PPM1L: variants seen among roughly 807,000 people sequenced by gnomAD.
The protein encoded by PPM1L is protein phosphatase, Mg2+/Mn2+ dependent 1L.
A neutral mutation model predicts 31.4 loss-of-function variants in PPM1L; 13 were observed. The ratio of observed to expected loss-of-function variants is 0.41; its 90% CI spans 0.27 to 0.66. PPM1L has a LOEUF of 0.66. PPM1L is among the 30% of genes least tolerant of loss of function. The pLI is 0.29. For synonymous variants in PPM1L, 184 were observed against 175.4 expected, an observed-to-expected ratio of 1.05 and a Z score of -0.39; for missense variants, 326 against 453.7, an observed-to-expected ratio of 0.72 and a Z score of 2.56.
rs66734087 is a variant in PPM1L, at chr3:161,014,473, A to AT, written c.575-50910dup. On this transcript the variant is annotated intron_variant, in intron 2 of 3. Coordinates refer to ENST00000498165, the MANE Select transcript of PPM1L (RefSeq NM_139245.4). ...AAATATCCCTTTTTTTCAAGTCAGG[A>AT]TTTTTTTTTTTTTTTTTTTTAGATG... Among the ~76,000 whole-genome samples, 534 of 129,210 alleles carry AT rather than the reference A, an allele frequency of 4.1e-3. 8 individuals carry two copies. The highest frequency in any genetic ancestry group is 0.017 in the South Asian group (67 of 3,838). The allele number at this position is 129,210 out of a possible 152,430, so 84.8% of individuals were successfully genotyped here.
chr3:160,829,249 C>T (rs533548397), intron 1 of PPM1L, among the ~76,000 whole-genome samples: 1 of 150,940 alleles, frequency 6.6e-6, no homozygotes, highest in Non-Finnish European at 1.5e-5. Flanking sequence ...AAAAAAAAAA[C>T]CTAGCCTTTT....
intron 2 of PPM1L, among the ~76,000 whole-genome samples, chr3:160,969,047 T>C (rs1424452874): frequency 6.6e-6 from 1 of 152,206 alleles, no homozygotes; most frequent in African/African-American, 2.4e-5. Context: ...GCTGGCTGTT[T>C]CTTGTGTTCC....
chr3:160,937,125 T>G (rs1396736566), intron 1 of PPM1L, among the ~76,000 whole-genome samples: 1 of 152,194 alleles, frequency 6.6e-6, no homozygotes, highest in Non-Finnish European at 1.5e-5. Flanking sequence ...CTGGTATGCT[T>G]TTGTTTGAAA....
intron 1 of PPM1L, among the ~76,000 whole-genome samples, chr3:160,839,342 T>C (rs1713802541): frequency 6.6e-6 from 1 of 152,154 alleles, no homozygotes; most frequent in Non-Finnish European, 1.5e-5. Context: ...TTAGATAAGA[T>C]TGAAAAACCA....
intron 1 of PPM1L, among the ~76,000 whole-genome samples, chr3:160,929,211 T>A (rs1034142829): frequency 1.3e-5 from 2 of 152,184 alleles, no homozygotes; most frequent in African/African-American, 4.8e-5. Context: ...AGGAAGCTCC[T>A]CCCTACCCCA....
At chr3:160,911,648 G>T (rs1343915732) in intron 1 of PPM1L, among the ~76,000 whole-genome samples, 1 of 152,298 alleles carries the variant, frequency 6.6e-6, no homozygotes, top group South Asian at 2.1e-4. Flanking sequence ...CCCAGGGGGA[G>T]AGAAAGAGAG....
intron 1 of PPM1L, among the ~76,000 whole-genome samples, chr3:160,808,320 T>C (rs561392554): frequency 1.1e-3 from 161 of 142,438 alleles, no homozygotes; most frequent in Non-Finnish European, 1.8e-3. Flanking sequence ...TGTGTGTGTG[T>C]GCGTGCATGT....
At chr3:160,968,208 A>G (rs1481613429) in intron 2 of PPM1L, among the ~76,000 whole-genome samples, 5 of 152,190 alleles carry the variant, frequency 3.3e-5, no homozygotes, top group African/African-American at 1.2e-4. Flanking sequence ...CCTCATTAAG[A>G]TAGTTTAGAC....
chr3:160,907,491 CAA>C lies in PPM1L; in HGVS notation c.400-54244_400-54243del, dbSNP rs1171985185. Among the ~76,000 whole-genome samples the C allele has an allele frequency of 5.3e-5, 8 of 152,130 alleles. No individual in the cohort carries two copies. In the East Asian group the frequency reaches 1.4e-3, roughly 26 times the overall value. On this transcript the variant is annotated intron_variant, in intron 1 of 3. Transcript: ENST00000498165. ...TGTGCATACATTTTTCTTTTTCTCT[CAA>C]GTTTATTTTTTATTTTCTGTGTACT...
chr3:161,010,000 C>T (rs963166424), intron 2 of PPM1L, among the ~76,000 whole-genome samples: 2 of 151,944 alleles, frequency 1.3e-5, no homozygotes, highest in African/African-American at 2.4e-5. Context: ...GTTTTTATGT[C>T]TCTATTCTAA....
chr3:160,974,958 C>A (rs1281681103), intron 2 of PPM1L, among the ~76,000 whole-genome samples: 1 of 152,042 alleles, frequency 6.6e-6, no homozygotes, highest in African/African-American at 2.4e-5. Context: ...ATGCCTATAT[C>A]CTGAATGGTA....
At chr3:160,858,087 GTCTATTGT>G (rs2108118485) in intron 1 of PPM1L, among the ~76,000 whole-genome samples, 1 of 152,218 alleles carries the variant, frequency 6.6e-6, no homozygotes, top group South Asian at 2.1e-4. Context: ...AAATGGCAGA[GTCTATTGT>G]TCTAAAAGGA....
chr3:160,955,005 CTT>C (rs770731784), intron 1 of PPM1L, among the ~76,000 whole-genome samples: 63 of 144,002 alleles, frequency 4.4e-4, no homozygotes, highest in Admixed American at 2.7e-3. Flanking sequence ...CTCCCTCTCT[CTT>C]TCTTTCTCTC....
At chr3:160,802,920 C>T (rs1037015160) in intron 1 of PPM1L, among the ~76,000 whole-genome samples, 2 of 152,190 alleles carry the variant, frequency 1.3e-5, no homozygotes, top group Non-Finnish European at 2.9e-5. Flanking sequence ...TGTGGCTGTA[C>T]AGAGTCTTGG....
intron 2 of PPM1L, among the ~76,000 whole-genome samples, chr3:161,025,835 T>G (rs979382626): frequency 2.0e-5 from 3 of 152,300 alleles, no homozygotes; most frequent in African/African-American, 4.8e-5. Context: ...AAAAACTCTT[T>G]GAGATTGAGT....
intron 1 of PPM1L, among the ~76,000 whole-genome samples, chr3:160,897,720 G>A (rs1039261471): frequency 2.0e-5 from 3 of 152,234 alleles, no homozygotes; most frequent in African/African-American, 7.2e-5. Context: ...CTGCCAGAAT[G>A]GCACTGTGAT....
At chr3:160,916,637 A>C (rs187576537) in intron 1 of PPM1L, among the ~76,000 whole-genome samples, 11,538 of 152,220 alleles carry the variant, frequency 0.076, 557 homozygotes, top group African/African-American at 0.13. Context: ...ACTTAAAAAA[A>C]ATTTTTTTTA....
rs764910095 is a variant in PPM1L at position 161,077,133 on chromosome 3, A to ATT, written c.*7977_*7978dup. The ATT allele has an allele frequency of 1.4e-4, 21 of 152,188 alleles. No homozygotes were observed. Among genetic ancestry groups the ATT allele is most frequent in the Non-Finnish European group, 2.1e-4 (14 of 68,034 alleles). 9.4% of individuals were successfully genotyped at this position (152,188 alleles called of 1,614,324 possible). Reference sequence around the variant, plus strand: ...TCAATATTGACCCAATGGGATGAAAATTGTTATCTTCATGATTTCTTCCAA... The same window carrying ATT: ...TCAATATTGACCCAATGGGATGAAAATTTTGTTATCTTCATGATTTCTTCCAA... On this transcript the variant is annotated 3_prime_UTR_variant, in exon 4 of 4. Transcript: ENST00000498165.
chr3:160,936,938 C>T (rs1271157697), intron 1 of PPM1L, among the ~76,000 whole-genome samples: 1 of 152,136 alleles, frequency 6.6e-6, no homozygotes, highest in East Asian at 1.9e-4. Flanking sequence ...GAATTTTGTT[C>T]AGGCTGAGCG....
Sources: allele counts gnomAD v4.1 joint callset (sites outside exome capture counted in the v4.1 genomes callset), GRCh38; gene constraint gnomAD v4.1.1; transcripts MANE v1.5; gene names NCBI Gene and HGNC (gene_info 2026-07-23, HGNC 2026-07-21).